Variants in HMGCL observed in about 807,000 individuals in gnomAD.
HMGCL encodes the protein hydroxymethylglutaryl-CoA lyase, mitochondrial.
Under a neutral mutation model 37.3 loss-of-function variants are expected in HMGCL, and 26 were observed. That is an observed-to-expected ratio of 0.70 (90% CI 0.51 to 0.97). HMGCL has a LOEUF of 0.97. Ranked by LOEUF, HMGCL falls within the 50% of genes least tolerant of loss-of-function variation. The pLI, the probability that HMGCL is intolerant of heterozygous loss-of-function variation, is 0.00. For synonymous variants in HMGCL, 151 were observed against 148.0 expected (o/e 1.02, Z -0.15); for missense variants, 379 against 398.1 (o/e 0.95, Z 0.41).
intron 1 of HMGCL, among the ~76,000 whole-genome samples, chr1:23,822,176 G>A (rs1266199253): frequency 6.6e-6 from 1 of 152,150 alleles, no homozygotes. Flanking sequence ...TCCCAGAAGA[G>A]AGCAATTACT....
Position 23,825,369 on chromosome 1 carries a change from G to T in HMGCL, c.47C>A (p.Ala16Glu). ...KALPRRLVGL[A>E]SLRAVSTSSM... ...CGGGGCACTTACAGCCCGGAGGGAC[G>T]CCAAGCCCACCAGTCGCCGCGGAAG... Residue 16 changes from alanine to glutamate, a missense_variant, in exon 1 of 9, where the codon GCG (alanine) becomes GAG (glutamate). Coordinates refer to ENST00000374490, the MANE Select transcript of HMGCL (RefSeq NM_000191.3). The T allele has an allele frequency of 1.3e-6, 2 of 1,559,988 alleles. No homozygotes were observed. Among genetic ancestry groups the T allele is most frequent in the Non-Finnish European group, 1.7e-6 (2 of 1,152,774 alleles).
At chr1:23,813,788 A>G in intron 5 of HMGCL, 1 of 270,830 alleles carries the variant, frequency 3.7e-6, no homozygotes, top group Non-Finnish European at 7.3e-6. Flanking sequence ...GGGATGTGTG[A>G]AGAGCTAGTG....
At chr1:23,804,804 T>C (rs561083541) in intron 7 of HMGCL, among the ~76,000 whole-genome samples, 1 of 152,132 alleles carries the variant, frequency 6.6e-6, no homozygotes, top group South Asian at 2.1e-4. Flanking sequence ...GGAGACCTTT[T>C]CTGATCACCA....
chr1:23,806,425 G>A lies in HMGCL; in HGVS notation c.750+1710C>T, dbSNP rs560206795. Among the ~76,000 whole-genome samples, 3 of 152,030 alleles carry A rather than the reference G, an allele frequency of 2.0e-5. No individual in the cohort carries two copies. Among genetic ancestry groups the A allele is most frequent in the African/African-American group, 4.8e-5 (2 of 41,438 alleles). On this transcript the variant is annotated intron_variant, in intron 7 of 8. Coordinates refer to ENST00000374490, the MANE Select transcript of HMGCL (RefSeq NM_000191.3). The surrounding 1 kb of genome is among the most constrained non-coding windows in gnomAD (Gnocchi z 4.0). ...CCCTCTCCTCAGTCACACTGCTCCC[G>A]CCACATGCCTCCTCCTGATCCCTGA...
intron 8 of HMGCL, among the ~76,000 whole-genome samples, chr1:23,802,967 T>C (rs551765700): frequency 1.3e-5 from 2 of 152,274 alleles, no homozygotes; most frequent in African/African-American, 4.8e-5. Flanking sequence ...CCTCTGTTCA[T>C]ACAGTAGCTC....
intron 6 of HMGCL, among the ~76,000 whole-genome samples, chr1:23,808,616 G>A (rs984365816): frequency 3.3e-5 from 5 of 152,140 alleles, no homozygotes; most frequent in African/African-American, 7.2e-5. Flanking sequence ...TCTCACTTAC[G>A]GCTGTCACAT....
intron 5 of HMGCL, 148 bp downstream of exon 5, chr1:23,814,042 C>T (rs1638570044): frequency 3.5e-6 from 3 of 864,136 alleles, no homozygotes; most frequent in Non-Finnish European, 1.9e-6. Flanking sequence ...CTTCTGACCA[C>T]ACTTATTTGG....
chr1:23,802,198 A>G lies in HMGCL; in HGVS notation c.*265T>C, dbSNP rs1047175257. On this transcript the variant is annotated 3_prime_UTR_variant, in exon 9 of 9. Transcript: ENST00000374490. ...ACGGGGTTCCCACACGTCCTCAGGCATTCAACTCCTGGGCCAGGGTCCGTA... is the reference window on the plus strand; with the variant it reads ...ACGGGGTTCCCACACGTCCTCAGGCGTTCAACTCCTGGGCCAGGGTCCGTA... 2 of 597,570 alleles carry G rather than the reference A, an allele frequency of 3.3e-6. No individual in the cohort carries two copies. Among genetic ancestry groups the G allele is most frequent in the Non-Finnish European group, 5.9e-6 (2 of 336,224 alleles). 37.0% of individuals were successfully genotyped at this position (597,570 alleles called of 1,614,324 possible). A position where few individuals can be genotyped will look rare whatever the true frequency, so the allele number is the denominator to read the frequency against.
chr1:23,815,303 C>T (rs2148422970), intron 4 of HMGCL, among the ~76,000 whole-genome samples: 1 of 152,090 alleles, frequency 6.6e-6, no homozygotes, highest in Admixed American at 6.6e-5. Flanking sequence ...GATGCATCTA[C>T]AAGCCAGGCA....
At position 23,802,310 on chromosome 1, in the gene HMGCL, G is replaced by A. The variant is rs182738486; in HGVS notation, c.*153C>T. The A allele has an allele frequency of 1.1e-4, 78 of 680,846 alleles. No individual in the cohort carries two copies. In the East Asian group the frequency reaches 1.8e-3, roughly 16 times the overall value. 42.2% of individuals were successfully genotyped at this position (680,846 alleles called of 1,614,324 possible). A position where few individuals can be genotyped will look rare whatever the true frequency, so the allele number is the denominator to read the frequency against. ...TGCCAAGCAGCTCCTCCTGCCCTTC[G>A]CCTGCTTTCTGCCAGGAGAGACCTC... On this transcript the variant is annotated 3_prime_UTR_variant, in exon 9 of 9. Transcript: ENST00000374490.
chr1:23,816,851 A>C (rs1570651991), intron 3 of HMGCL, 81 bp from the exon 4 acceptor site: 1 of 854,728 alleles, frequency 1.2e-6, no homozygotes, highest in East Asian at 2.4e-5. Context: ...TTCATCACAA[A>C]ACCTCTGTTC....
chr1:23,825,228 C>A, intron 1 of HMGCL, 128 bp downstream of exon 1: 1 of 761,156 alleles, frequency 1.3e-6, no homozygotes. Flanking sequence ...GACTCCAACG[C>A]CCTCCCGACT....
In HMGCL at chr1:23,808,177, G is replaced by C. The variant is rs886046312; in HGVS notation, c.708C>G (p.Asp236Glu). 1 of 1,614,164 alleles carries C rather than the reference G, an allele frequency of 6.2e-7. No individual in the cohort carries two copies. Among genetic ancestry groups the C allele is most frequent in the Non-Finnish European group, 8.5e-7 (1 of 1,180,038 alleles). ...TGTTGGCCAGGGCTTGACCATAGGT[G>C]TCATGGCAGTGGACAGCCAGGGCAG... ...PLAALAVHCH[D>E]TYGQALANTL... The change falls in exon 7 of 9, where the codon GAC becomes GAG. Residue 236 changes from aspartate (D) to glutamate (E), a missense_variant. Physicochemically the swap from Asp to Glu is conservative, Grantham distance 45 (BLOSUM62 2). Coordinates refer to ENST00000374490, the MANE Select transcript of HMGCL (RefSeq NM_000191.3).
At chr1:23,819,250 C>T (rs944674925) in intron 2 of HMGCL, among the ~76,000 whole-genome samples, 4 of 152,028 alleles carry the variant, frequency 2.6e-5, no homozygotes, top group Admixed American at 6.6e-5. Context: ...AATAAAAATA[C>T]AATTCCTTGG....
chr1:23,810,906 C>A lies in HMGCL; in HGVS notation c.498-107G>T, dbSNP rs1012367692. The A allele has an allele frequency of 2.2e-5, 19 of 859,380 alleles. No individual in the cohort carries two copies. In the Admixed American group the frequency reaches 3.5e-4, roughly 16 times the overall value. The allele number at this position is 859,380 out of a possible 1,614,324, so 53.2% of individuals were successfully genotyped here. ...ATTTCTGATCAGTGTGCAATCAACA[C>A]CTGCAGCTGGGCGGAGTAAGGGCAG... On this transcript the variant is annotated intron_variant, in intron 5 of 8. Transcript: ENST00000374490.
chr1:23,804,375 G>T (rs145796948), intron 8 of HMGCL, 25 bp downstream of exon 8: 1 of 1,613,734 alleles, frequency 6.2e-7, no homozygotes, highest in Admixed American at 1.7e-5. Flanking sequence ...CGGGGCTGTC[G>T]CCACCAGGGG....
intron 6 of HMGCL, chr1:23,809,239 T>TATATATA (rs61608386): frequency 5.3e-4 from 40 of 75,394 alleles, no homozygotes; most frequent in Non-Finnish European, 7.2e-4. Context: ...TATATATATA[T>TATATATA]TTTTTTTTTT....
At chr1:23,803,833 G>A (rs1382660845) in intron 8 of HMGCL, 2 of 153,280 alleles carry the variant, frequency 1.3e-5, no homozygotes, top group Non-Finnish European at 2.9e-5. Flanking sequence ...TGAGGGCCCT[G>A]GTGGACTCTG....
At position 23,804,655 on chromosome 1, in the gene HMGCL, T is replaced by C. The variant is rs912120127; in HGVS notation, c.751-130A>G. 6.0e-5 allele frequency: 60 copies of C among 998,178 alleles called. No homozygotes were observed. In the Middle Eastern group the frequency reaches 1.1e-3, roughly 19 times the overall value. The allele number at this position is 998,178 out of a possible 1,614,324, so 61.8% of individuals were successfully genotyped here. ...CATTCTTTGCTTTGGCTTATGATTC[T>C]GTTGACATGACAATCCCACAGAAAG... On this transcript the variant is annotated intron_variant, in intron 7 of 8. Coordinates refer to ENST00000374490, the MANE Select transcript of HMGCL (RefSeq NM_000191.3).
Sources: gnomAD v4.1 joint callset for allele counts (sites outside exome capture counted in the v4.1 genomes callset) on GRCh38, gnomAD v4.1.1 for gene constraint, Gnocchi (gnomAD v3.1) non-coding constraint, MANE v1.5 for transcripts, NCBI Gene and HGNC (gene_info 2026-07-23, HGNC 2026-07-21) for gene names.